The following CADM2 variants were observed in gnomAD, a reference collection of about 807,000 sequenced individuals.
CADM2 encodes the protein cell adhesion molecule 2.
CADM2 carries 12 observed loss-of-function variants against 49.8 expected under a neutral mutation model. The observed-to-expected ratio is 0.24, with a 90% confidence interval of 0.15 to 0.39. The LOEUF is 0.39. Among genes scored for constraint, CADM2 ranks in the 10% least tolerant of loss-of-function variants. CADM2 has a pLI of 1.00. For missense variants in CADM2, 378 were observed against 492.3 expected (o/e 0.77, Z 2.20); for synonymous variants, 214 against 175.4 (o/e 1.22, Z -1.74).
chr3:85,324,543 C>T (rs1359047298), intron 1 of CADM2, among the ~76,000 whole-genome samples: 1 of 152,150 alleles, frequency 6.6e-6, no homozygotes, highest in East Asian at 1.9e-4. Flanking sequence ...AGTAAAACCA[C>T]ACTTTCATTA....
intron 1 of CADM2, among the ~76,000 whole-genome samples, chr3:85,671,793 T>C (rs1481297395): frequency 2.0e-5 from 3 of 152,212 alleles, no homozygotes; most frequent in Non-Finnish European, 2.9e-5. Context: ...TCTTCTCATA[T>C]GTGTACCCTT....
chr3:85,723,627 A>C (rs1479417827), intron 1 of CADM2, among the ~76,000 whole-genome samples: 2 of 152,104 alleles, frequency 1.3e-5, no homozygotes, highest in Admixed American at 6.6e-5. Context: ...TTTCTATTCT[A>C]TGTTGGTACC....
rs528785054 is a variant in CADM2, at chr3:85,918,538, T to C, written c.700+5995T>C. Among the ~76,000 whole-genome samples, 590 of 152,214 alleles carry C rather than the reference T, an allele frequency of 3.9e-3. 5 individuals are homozygous for C. Among genetic ancestry groups the C allele is most frequent in the Middle Eastern group, 0.017 (5 of 294 alleles). On this transcript the variant is annotated intron_variant, in intron 6 of 9. Coordinates refer to ENST00000383699, the MANE Select transcript of CADM2 (RefSeq NM_001167675.2). ...CATGGTGGATAAGCTTTTTGATGTG[T>C]TGCTGGATTCGGTTTGCCAGCATTT...
intron 1 of CADM2, among the ~76,000 whole-genome samples, chr3:85,265,520 T>TTA (rs770962156): frequency 5.3e-5 from 8 of 152,050 alleles, no homozygotes; most frequent in Non-Finnish European, 1.0e-4. Context: ...GAACTCATTT[T>TTA]TATAACAAAT....
In CADM2 at chr3:85,371,677, G is replaced by GTGTGTGTA. The variant is rs1251505613; in HGVS notation, c.62-354844_62-354843insGTGTGTAT. Among the ~76,000 whole-genome samples, 223 of 95,120 alleles carry GTGTGTGTA rather than the reference G, an allele frequency of 2.3e-3. 1 individual carries two copies. The highest frequency in any genetic ancestry group is 6.0e-3 in the African/African-American group (136 of 22,520). 62.4% of individuals were successfully genotyped at this position (95,120 alleles called of 152,430 possible). A position where few individuals can be genotyped will look rare whatever the true frequency, so the allele number is the denominator to read the frequency against. On this transcript the variant is annotated intron_variant, in intron 1 of 9. Coordinates refer to ENST00000383699, the MANE Select transcript of CADM2 (RefSeq NM_001167675.2). ...TATATATATATGTGTGTGTGTGTGT[G>GTGTGTGTA]TATATATATATATATATATATATAT... is the stretch of plus-strand genomic sequence containing the variant.
intron 1 of CADM2, among the ~76,000 whole-genome samples, chr3:85,335,063 A>T (rs1279139968): frequency 6.6e-6 from 1 of 151,530 alleles, no homozygotes; most frequent in Admixed American, 6.6e-5. Flanking sequence ...AAAAAAAAAG[A>T]TACTAAGTAA....
intron 1 of CADM2, among the ~76,000 whole-genome samples, chr3:85,309,201 T>A (rs998098385): frequency 4.6e-5 from 7 of 152,174 alleles, no homozygotes; most frequent in African/African-American, 1.7e-4. Context: ...AGGCTCTGTC[T>A]AAATACGCTT....
chr3:85,950,196 T>A (rs2108584184), intron 7 of CADM2, among the ~76,000 whole-genome samples: 1 of 151,392 alleles, frequency 6.6e-6, no homozygotes, highest in Admixed American at 6.6e-5. Context: ...GATGAGAGAA[T>A]GAATGCTTAC....
chr3:85,934,767 A>G (rs1440790813), intron 6 of CADM2, among the ~76,000 whole-genome samples: 1 of 152,058 alleles, frequency 6.6e-6, no homozygotes, highest in Non-Finnish European at 1.5e-5. Flanking sequence ...AACTGGCTCT[A>G]AAATCAAAGA....
At chr3:85,334,106 A>G (rs2045012136) in intron 1 of CADM2, among the ~76,000 whole-genome samples, 1 of 151,634 alleles carries the variant, frequency 6.6e-6, no homozygotes, top group Admixed American at 6.6e-5. Context: ...AAATAATTTG[A>G]AGACCTGAGT....
intron 1 of CADM2, among the ~76,000 whole-genome samples, chr3:85,291,312 T>C (rs1342472624): frequency 6.6e-6 from 1 of 151,788 alleles, no homozygotes; most frequent in Non-Finnish European, 1.5e-5. Context: ...CTACATCTGA[T>C]TGGTGTACCT....
intron 1 of CADM2, among the ~76,000 whole-genome samples, chr3:85,132,960 T>C (rs2107612771): frequency 6.6e-6 from 1 of 152,212 alleles, no homozygotes; most frequent in East Asian, 1.9e-4. Flanking sequence ...GATATTCGGA[T>C]ATGTTCAGAG....
intron 3 of CADM2, among the ~76,000 whole-genome samples, chr3:85,850,127 A>G (rs1044019776): frequency 5.0e-4 from 76 of 152,124 alleles, no homozygotes; most frequent in Non-Finnish European, 1.8e-4. Flanking sequence ...AAACTAGTGT[A>G]AATAAATAAG....
At chr3:85,703,152 A>G (rs1208696603) in intron 1 of CADM2, among the ~76,000 whole-genome samples, 1 of 152,184 alleles carries the variant, frequency 6.6e-6, no homozygotes, top group African/African-American at 2.4e-5. Context: ...ACTGTCAAAA[A>G]TGTGATACAG....
chr3:85,926,157 T>C (rs1719828718), intron 6 of CADM2, among the ~76,000 whole-genome samples: 2 of 149,624 alleles, frequency 1.3e-5, no homozygotes, highest in Admixed American at 1.3e-4. Context: ...AATAAATAAA[T>C]AAATAAATAA....
At chr3:84,980,069 A>C (rs1165105350) in intron 1 of CADM2, among the ~76,000 whole-genome samples, 1 of 152,206 alleles carries the variant, frequency 6.6e-6, no homozygotes, top group African/African-American at 2.4e-5. Flanking sequence ...TGGATTTCAT[A>C]ATAACCTTGA....
chr3:85,222,575 A>C (rs982864963), intron 1 of CADM2, among the ~76,000 whole-genome samples: 1 of 152,086 alleles, frequency 6.6e-6, no homozygotes, highest in Non-Finnish European at 1.5e-5. Flanking sequence ...TTCCCTGATA[A>C]TCTGTAACAT....
At chr3:85,915,853 T>C (rs753613627) in intron 6 of CADM2, among the ~76,000 whole-genome samples, 3 of 152,162 alleles carry the variant, frequency 2.0e-5, no homozygotes, top group Non-Finnish European at 2.9e-5. Flanking sequence ...TTTTCAGTGG[T>C]AAGTCAAAAG....
intron 1 of CADM2, among the ~76,000 whole-genome samples, chr3:85,561,170 A>G (rs1337683637): frequency 6.6e-6 from 1 of 152,068 alleles, no homozygotes; most frequent in African/African-American, 2.4e-5. Context: ...TATATTGTTC[A>G]TGTTCATTGT....
Sources: allele counts gnomAD v4.1 joint callset (sites outside exome capture counted in the v4.1 genomes callset), GRCh38; gene constraint gnomAD v4.1.1; transcripts MANE v1.5; gene names NCBI Gene and HGNC (gene_info 2026-07-23, HGNC 2026-07-21).